The following SINHCAF variants were observed in gnomAD, a reference collection of about 807,000 sequenced individuals.
SINHCAF encodes SIN3-HDAC complex associated factor.
In SINHCAF, 3 loss-of-function variants were observed where a neutral mutation model predicts 25.8. The observed-to-expected ratio is 0.12, with a 90% CI of 0.05 to 0.30. The LOEUF is 0.30. Among genes scored for constraint, SINHCAF ranks in the 10% least tolerant of loss-of-function variants. The pLI is 1.00. For missense variants in SINHCAF, 121 were observed against 262.3 expected (o/e 0.46, Z 3.72); for synonymous variants, 70 against 85.5 (o/e 0.82, Z 1.00).
intron 5 of SINHCAF, 82 bp from the exon 6 acceptor site, chr12:31,282,953 T>TAGTCCAATATAACC: frequency 2.0e-6 from 2 of 1,016,826 alleles, no homozygotes; most frequent in Non-Finnish European, 2.8e-6. Flanking sequence ...CTATTATAAC[T>TAGTCCAATATAACC]AGTCCAATAT....
chr12:31,302,568 A>C (rs1592973306), intron 1 of SINHCAF, among the ~76,000 whole-genome samples: 1 of 150,940 alleles, frequency 6.6e-6, no homozygotes, highest in East Asian at 1.9e-4. Flanking sequence ...TGCGCCCAGG[A>C]AGCACAGGTT....
Position 31,325,881 on chromosome 12 carries a change from A to G in SINHCAF, c.-21+143T>C, listed in dbSNP as rs756961471. 6.6e-6 allele frequency: 1 copy of G among 152,020 alleles called. No individual in the cohort carries two copies. The highest frequency in any genetic ancestry group is 1.5e-5 in the Non-Finnish European group (1 of 68,038). The allele number at this position is 152,020 out of a possible 1,614,324, so 9.4% of individuals were successfully genotyped here. ...GATCACGAAAACAGCGCTCCCAACAATGCCACCTCCAAGACAAAACTTCCT... is the reference window on the plus strand; with the variant it reads ...GATCACGAAAACAGCGCTCCCAACAGTGCCACCTCCAAGACAAAACTTCCT... On this transcript the variant is annotated intron_variant, in intron 1 of 5. Transcript: ENST00000337682. The surrounding 1 kb of genome is among the most constrained non-coding windows in gnomAD (Gnocchi z 5.9).
At chr12:31,292,187 T>G (rs773003668) in intron 4 of SINHCAF, among the ~76,000 whole-genome samples, 10 of 152,196 alleles carry the variant, frequency 6.6e-5, no homozygotes, top group Admixed American at 2.0e-4. Flanking sequence ...AAAATTAATG[T>G]TTCCCAAATG....
At chr12:31,284,703 A>G (rs1340277694) in intron 5 of SINHCAF, among the ~76,000 whole-genome samples, 3 of 152,226 alleles carry the variant, frequency 2.0e-5, no homozygotes. Context: ...CTTATTGAAC[A>G]GACCATTTTC....
At chr12:31,287,031 C>T (rs1482422709) in intron 5 of SINHCAF, among the ~76,000 whole-genome samples, 1 of 152,168 alleles carries the variant, frequency 6.6e-6, no homozygotes, top group Non-Finnish European at 1.5e-5. Flanking sequence ...ATCCCCTCAC[C>T]TTGGCCTCTC....
chr12:31,283,559 C>T (rs1045807515), intron 5 of SINHCAF, among the ~76,000 whole-genome samples: 3 of 151,886 alleles, frequency 2.0e-5, no homozygotes, highest in East Asian at 3.9e-4. Flanking sequence ...GCCGAAATCA[C>T]ACCACTGCAC....
chr12:31,323,909 C>A (rs970724436), intron 1 of SINHCAF: 20 of 454,010 alleles, frequency 4.4e-5, no homozygotes, highest in Non-Finnish European at 6.7e-5. Flanking sequence ...CAGTAAAATG[C>A]CTCCCCGCTC....
chr12:31,288,658 CCT>C (rs1938179298), intron 4 of SINHCAF, among the ~76,000 whole-genome samples: 1 of 151,984 alleles, frequency 6.6e-6, no homozygotes, highest in Admixed American at 6.6e-5. Flanking sequence ...GAGGCCCCTC[CCT>C]CTTTCCCTGC....
chr12:31,310,860 A>C (rs758404078), intron 1 of SINHCAF, among the ~76,000 whole-genome samples: 6 of 150,968 alleles, frequency 4.0e-5, no homozygotes, highest in African/African-American at 1.5e-4. Context: ...ATTTTAATCT[A>C]ATCTACGATC....
At chr12:31,290,607 ATAAT>A (rs1434060641) in intron 4 of SINHCAF, among the ~76,000 whole-genome samples, 1 of 152,262 alleles carries the variant, frequency 6.6e-6, no homozygotes, top group African/African-American at 2.4e-5. Context: ...GACTTCCTAA[ATAAT>A]TAACATCAAC....
chr12:31,320,817 T>G (rs548253016), intron 1 of SINHCAF, among the ~76,000 whole-genome samples: 8 of 152,252 alleles, frequency 5.3e-5, no homozygotes, highest in Admixed American at 3.3e-4. Flanking sequence ...CTTGCTTATT[T>G]CAAGCAGGAG....
intron 1 of SINHCAF, chr12:31,305,040 G>A (rs77458934): frequency 9.8e-5 from 15 of 152,292 alleles, no homozygotes; most frequent in African/African-American, 2.4e-4. Context: ...TCAACTTCTC[G>A]TCCTGGTTTC....
At chr12:31,310,397 T>C (rs1939218156) in intron 1 of SINHCAF, among the ~76,000 whole-genome samples, 1 of 152,218 alleles carries the variant, frequency 6.6e-6, no homozygotes, top group Admixed American at 6.5e-5. Flanking sequence ...GAAAACCCCC[T>C]ATTTCCTCAG....
chr12:31,325,514 C>G lies in SINHCAF; in HGVS notation c.-21+510G>C, dbSNP rs949421760. On this transcript the variant is annotated intron_variant, in intron 1 of 5. Transcript: ENST00000337682. The surrounding 1 kb of genome is among the most constrained non-coding windows in gnomAD (Gnocchi z 5.9). ...ATGGCGTTTATTGTCCACCCTAGTCCGAGGGCTGCAGTCAACTAAACCACG... is the reference window on the plus strand; with the variant it reads ...ATGGCGTTTATTGTCCACCCTAGTCGGAGGGCTGCAGTCAACTAAACCACG... 1.0e-5 allele frequency: 3 copies of G among 295,398 alleles called. No homozygotes were observed. Among genetic ancestry groups the G allele is most frequent in the African/African-American group, 4.5e-5 (2 of 44,802 alleles). The allele number at this position is 295,398 out of a possible 1,614,324, so 18.3% of individuals were successfully genotyped here. A position where few individuals can be genotyped will look rare whatever the true frequency, so the allele number is the denominator to read the frequency against.
chr12:31,304,959 A>T (rs1215547305), intron 1 of SINHCAF: 1 of 152,230 alleles, frequency 6.6e-6, no homozygotes, highest in East Asian at 1.9e-4. Flanking sequence ...ATACTCTAAG[A>T]ATGTTTAGAC....
chr12:31,289,591 G>A (rs1938218721), intron 4 of SINHCAF, among the ~76,000 whole-genome samples: 1 of 152,144 alleles, frequency 6.6e-6, no homozygotes, highest in Non-Finnish European at 1.5e-5. Context: ...TGTGCTATAA[G>A]GCTGTTGTAC....
At chr12:31,309,348 G>C (rs1417168689) in intron 1 of SINHCAF, among the ~76,000 whole-genome samples, 2 of 152,108 alleles carry the variant, frequency 1.3e-5, no homozygotes, top group Non-Finnish European at 2.9e-5. Context: ...CCTCTCTCAA[G>C]ATAATCTCAT....
intron 4 of SINHCAF, 46 bp downstream of exon 4, chr12:31,293,759 A>G: frequency 6.6e-7 from 1 of 1,516,946 alleles, no homozygotes; most frequent in Non-Finnish European, 8.8e-7. Context: ...CCAGCCAAAA[A>G]TAACAAAACA....
At chr12:31,309,288 T>C (rs1041875963) in intron 1 of SINHCAF, among the ~76,000 whole-genome samples, 12 of 152,156 alleles carry the variant, frequency 7.9e-5, no homozygotes, top group African/African-American at 2.9e-4. Context: ...TTTGGTTCCT[T>C]GACAAGGAAA....
Sources: allele counts gnomAD v4.1 joint callset (sites outside exome capture counted in the v4.1 genomes callset), GRCh38; gene constraint gnomAD v4.1.1; non-coding constraint Gnocchi (gnomAD v3.1); transcripts MANE v1.5; gene names NCBI Gene and HGNC (gene_info 2026-07-23, HGNC 2026-07-21).